TBC1D19: variants seen among roughly 807,000 people sequenced by gnomAD.
TBC1D19 encodes TBC1 domain family, member 19.
A neutral mutation model predicts 89.0 loss-of-function variants in TBC1D19; 60 were observed. That is an observed-to-expected ratio of 0.67 (90% CI 0.55 to 0.84). The LOEUF (loss-of-function observed/expected upper bound fraction) is 0.84. TBC1D19 is among the 40% of genes least tolerant of loss of function. The pLI is 0.00. For synonymous variants in TBC1D19, 189 were observed against 199.7 expected (o/e 0.95, Z 0.45); for missense variants, 500 against 610.8 (o/e 0.82, Z 1.91).
At chr4:26,818,148 A>G in the TBC1D19 span, among the ~76,000 whole-genome samples, 2 of 152,108 alleles carry the variant, frequency 1.3e-5, no homozygotes, top group Non-Finnish European at 2.9e-5. Flanking sequence ...CACAACACAA[A>G]AAAACAAGTT....
intron 4 of TBC1D19, among the ~76,000 whole-genome samples, chr4:26,624,559 T>A (rs1192452174): frequency 6.6e-6 from 1 of 152,064 alleles, no homozygotes; most frequent in African/African-American, 2.4e-5. Flanking sequence ...TATATGCCTC[T>A]TGAAAGAAGT....
chr4:26,604,467 A>G (rs1740847491), intron 1 of TBC1D19, among the ~76,000 whole-genome samples: 1 of 151,638 alleles, frequency 6.6e-6, no homozygotes, highest in Admixed American at 6.6e-5. Context: ...TTTCTTTTTA[A>G]GAGCTGAATA....
downstream of TBC1D19, among the ~76,000 whole-genome samples, chr4:26,760,463 G>C (rs1302246165): frequency 6.6e-6 from 1 of 152,098 alleles, no homozygotes; most frequent in Non-Finnish European, 1.5e-5. Context: ...CTACTGGTGG[G>C]AGTGGTGGGG....
the TBC1D19 span, among the ~76,000 whole-genome samples, chr4:26,770,326 A>G: frequency 1.3e-5 from 2 of 152,154 alleles, no homozygotes; most frequent in Non-Finnish European, 2.9e-5. Context: ...AAGCATTATC[A>G]TGTTAAAGGT....
the TBC1D19 span, among the ~76,000 whole-genome samples, chr4:26,837,770 T>TG: frequency 6.6e-6 from 1 of 151,970 alleles, no homozygotes; most frequent in African/African-American, 2.4e-5. Flanking sequence ...AGGATGCATG[T>TG]GGGGTGCGGG....
intron 13 of TBC1D19, among the ~76,000 whole-genome samples, chr4:26,715,014 TTGA>T (rs918316658): frequency 9.9e-5 from 15 of 152,042 alleles, no homozygotes; most frequent in African/African-American, 3.1e-4. Flanking sequence ...ACTCACTCAC[TTGA>T]TGATTCCACC....
the TBC1D19 span, among the ~76,000 whole-genome samples, chr4:26,770,676 G>A: frequency 6.6e-6 from 1 of 152,140 alleles, no homozygotes; most frequent in East Asian, 1.9e-4. Context: ...AATCTCAAGT[G>A]CAGACAGAAC....
chr4:26,624,593 TA>T (rs1018329766), intron 4 of TBC1D19, among the ~76,000 whole-genome samples: 2 of 152,156 alleles, frequency 1.3e-5, no homozygotes, highest in East Asian at 3.8e-4. Flanking sequence ...CATTTTTACA[TA>T]ACTGCTGCAT....
intron 1 of TBC1D19, among the ~76,000 whole-genome samples, chr4:26,593,151 A>G (rs1344073661): frequency 6.6e-6 from 1 of 152,212 alleles, no homozygotes; most frequent in Non-Finnish European, 1.5e-5. Context: ...ATATAGACCA[A>G]TGGAACAGAA....
intron 13 of TBC1D19, among the ~76,000 whole-genome samples, chr4:26,713,176 A>G (rs768618812): frequency 6.6e-6 from 1 of 152,028 alleles, no homozygotes; most frequent in African/African-American, 2.4e-5. Flanking sequence ...GACGCCAAAA[A>G]TTTATTTGAG....
At chr4:26,773,112 A>G in the TBC1D19 span, among the ~76,000 whole-genome samples, 2 of 152,154 alleles carry the variant, frequency 1.3e-5, no homozygotes, top group South Asian at 4.2e-4. Context: ...TTTCTCCACA[A>G]CCTCACCAGC....
chr4:26,801,857 G>A, the TBC1D19 span, among the ~76,000 whole-genome samples: 1 of 152,148 alleles, frequency 6.6e-6, no homozygotes, highest in Non-Finnish European at 1.5e-5. Flanking sequence ...ACCAAGTAAA[G>A]TTACAATGAG....
chr4:26,724,695 G>A (rs1717195217), intron 15 of TBC1D19, among the ~76,000 whole-genome samples: 1 of 152,166 alleles, frequency 6.6e-6, no homozygotes, highest in Non-Finnish European at 1.5e-5. Flanking sequence ...GCTTAGCCAG[G>A]CTGTTTACAA....
intron 13 of TBC1D19, among the ~76,000 whole-genome samples, chr4:26,707,606 A>G (rs575039517): frequency 1.3e-5 from 2 of 150,838 alleles, no homozygotes; most frequent in Admixed American, 1.3e-4. Flanking sequence ...TATGCCTCTC[A>G]TTTTCTGTAT....
intron 1 of TBC1D19, among the ~76,000 whole-genome samples, chr4:26,595,597 T>C (rs1354309229): frequency 6.6e-6 from 1 of 152,130 alleles, no homozygotes; most frequent in Non-Finnish European, 1.5e-5. Context: ...TTGTGAAAGG[T>C]CTAAGGTGTG....
At chr4:26,712,431 A>T (rs1451185514) in intron 13 of TBC1D19, among the ~76,000 whole-genome samples, 1 of 151,956 alleles carries the variant, frequency 6.6e-6, no homozygotes, top group African/African-American at 2.4e-5. Flanking sequence ...GCCAGCAGAG[A>T]GCATCATCAC....
At chr4:26,672,003 T>C (rs573532054) in intron 9 of TBC1D19, 146 bp from the exon 10 acceptor site, 7 of 307,158 alleles carry the variant, frequency 2.3e-5, no homozygotes, top group South Asian at 4.8e-5. Flanking sequence ...CTTTTTTACA[T>C]ATGAGATATT....
At chr4:26,774,218 A>G in the TBC1D19 span, among the ~76,000 whole-genome samples, 2 of 152,184 alleles carry the variant, frequency 1.3e-5, no homozygotes, top group African/African-American at 4.8e-5. Flanking sequence ...GGGAGGTGGC[A>G]CATTGCTTAT....
chr4:26,828,462 A>G, the TBC1D19 span, among the ~76,000 whole-genome samples: 8 of 152,242 alleles, frequency 5.3e-5, no homozygotes, highest in Admixed American at 5.2e-4. Flanking sequence ...AAAGGAGACC[A>G]TTTTGTCATT....
Sources: gnomAD v4.1 joint callset for allele counts (sites outside exome capture counted in the v4.1 genomes callset) on GRCh38, gnomAD v4.1.1 for gene constraint, MANE v1.5 for transcripts, NCBI Gene and HGNC (gene_info 2026-07-23, HGNC 2026-07-21) for gene names.